GARS1: variants seen among roughly 807,000 people sequenced by gnomAD.
The protein encoded by GARS1 is glycyl-tRNA synthetase 1, also known as glycine--tRNA ligase.
Under a neutral mutation model 86.4 loss-of-function variants are expected in GARS1, and 46 were observed. The ratio of observed to expected loss-of-function variants is 0.53; its 90% CI spans 0.42 to 0.68. The LOEUF is 0.68. Ranked by LOEUF, GARS1 falls within the 30% of genes least tolerant of loss-of-function variation. The pLI is 0.00. For missense variants in GARS1, 797 were observed against 915.6 expected (o/e 0.87, Z 1.67); for synonymous variants, 342 against 329.8 (o/e 1.04, Z -0.40).
chr7:30,607,448 C>G (rs1225326014), intron 6 of GARS1, among the ~76,000 whole-genome samples: 1 of 147,752 alleles, frequency 6.8e-6, no homozygotes, highest in Non-Finnish European at 1.5e-5. Flanking sequence ...CTGACAAGGA[C>G]AGAAAACCAA....
At chr7:30,630,517 CT>C (rs758530758) in intron 14 of GARS1, among the ~76,000 whole-genome samples, 8,660 of 130,916 alleles carry the variant, frequency 0.066, 249 homozygotes, top group African/African-American at 0.11. Flanking sequence ...TTATTTTCGC[CT>C]TTTTTTTTTT....
At chr7:30,621,922 C>T (rs1300995331) in intron 11 of GARS1, among the ~76,000 whole-genome samples, 2 of 152,050 alleles carry the variant, frequency 1.3e-5, no homozygotes, top group African/African-American at 4.8e-5. Context: ...TGAAAATCAG[C>T]AAAATAGAAA....
intron 6 of GARS1, among the ~76,000 whole-genome samples, chr7:30,607,962 T>G (rs1791516806): frequency 6.6e-6 from 1 of 152,192 alleles, no homozygotes. Context: ...TCCATTGTGG[T>G]TTTCTTCACA....
chr7:30,626,398 G>A, intron 13 of GARS1, 79 bp downstream of exon 13: 1 of 909,894 alleles, frequency 1.1e-6, no homozygotes, highest in African/African-American at 1.6e-5. Flanking sequence ...GTCTTGCTCT[G>A]TCACCCAGGC....
chr7:30,603,878 T>C (rs1007695835), intron 6 of GARS1, among the ~76,000 whole-genome samples: 2 of 152,212 alleles, frequency 1.3e-5, no homozygotes, highest in African/African-American at 4.8e-5. Context: ...ATGGGTAGTG[T>C]TCAGCACTGG....
chr7:30,601,354 C>A (rs1490499169), intron 4 of GARS1, among the ~76,000 whole-genome samples, 154 bp downstream of exon 4: 1 of 152,178 alleles, frequency 6.6e-6, no homozygotes, highest in African/African-American at 2.4e-5. Flanking sequence ...GAAATGTATA[C>A]CTTCTGCTCA....
chr7:30,628,015 A>T (rs2128135797), intron 13 of GARS1, among the ~76,000 whole-genome samples: 1 of 152,352 alleles, frequency 6.6e-6, no homozygotes, highest in East Asian at 1.9e-4. Context: ...TTTACACAGT[A>T]TAAACAGAAT....
chr7:30,625,434 T>G (rs781436086), intron 12 of GARS1, among the ~76,000 whole-genome samples: 4 of 152,184 alleles, frequency 2.6e-5, no homozygotes, highest in Admixed American at 1.3e-4. Flanking sequence ...AGGTGGAAAC[T>G]AGCAAAATAC....
chr7:30,596,038 A>T (rs1212033976), intron 1 of GARS1: 1 of 373,100 alleles, frequency 2.7e-6, no homozygotes, highest in Non-Finnish European at 5.3e-6. Flanking sequence ...CAAGGAAAAG[A>T]TTATTTCAGA....
chr7:30,614,307 A>G (rs1008140154), intron 8 of GARS1: 1 of 152,002 alleles, frequency 6.6e-6, no homozygotes, highest in Non-Finnish European at 1.5e-5. Context: ...ATCATTAACT[A>G]TAGACACAGT....
chr7:30,615,782 T>A, intron 8 of GARS1, 114 bp from the exon 9 acceptor site: 5 of 1,192,368 alleles, frequency 4.2e-6, no homozygotes. Flanking sequence ...AAAAGACCAC[T>A]ATAGTATGGA....
chr7:30,618,990 G>T (rs1298082704), intron 10 of GARS1, among the ~76,000 whole-genome samples: 3 of 152,050 alleles, frequency 2.0e-5, no homozygotes, highest in African/African-American at 7.2e-5. Flanking sequence ...TTTTCCTTTT[G>T]TATGAGAAAA....
In GARS1 at chr7:30,632,305, CGGAA is replaced by C; in HGVS notation, c.1965_1968del (p.Arg656AlafsTer21). Reference sequence around the variant, plus strand: ...AAGTAGACGATTCCTCTGGGTCAATCGGAAGGCGCTATGCCAGGACTGATGAGAT... The same window carrying C: ...AAGTAGACGATTCCTCTGGGTCAATCGGCGCTATGCCAGGACTGATGAGAT... On this transcript the variant is annotated frameshift_variant, in exon 16 of 17. Transcript: ENST00000389266. LOFTEE classifies it high-confidence loss of function. The surrounding 1 kb of genome is among the most constrained non-coding windows in gnomAD (Gnocchi z 4.1). 2 of 1,614,132 alleles carry C rather than the reference CGGAA, an allele frequency of 1.2e-6. No homozygotes were observed. The highest frequency in any genetic ancestry group is 1.7e-6 in the Non-Finnish European group (2 of 1,180,012).
Position 30,601,208 on chromosome 7 carries a change from C to A in GARS1, c.569+8C>A, listed in dbSNP as rs1554337181. 6.2e-7 allele frequency: 1 copy of A among 1,613,116 alleles called. No homozygotes were observed. Among genetic ancestry groups the A allele is most frequent in the Non-Finnish European group, 8.5e-7 (1 of 1,179,272 alleles). On this transcript the variant is annotated splice_region_variant and intron_variant, in intron 4 of 16. Transcript: ENST00000389266. ...CCCTGAGCCAGTTTTAAAGTGAGAT[C>A]TTACTTTGGAGTGGGGGTATCCTAC...
Position 30,632,634 on chromosome 7 carries a change from A to C in GARS1, c.2094+197A>C, listed in dbSNP as rs560680633. On this transcript the variant is annotated intron_variant, in intron 16 of 16. Transcript: ENST00000389266. The surrounding 1 kb of genome is among the most constrained non-coding windows in gnomAD (Gnocchi z 4.1). ...TGAAAATATCCATTAGCACTTCTCT[A>C]ATATTTTATAAACATTTGTGTTGCT... Among the ~76,000 whole-genome samples the C allele has an allele frequency of 3.9e-5, 6 of 152,130 alleles. No homozygotes were observed. The highest frequency in any genetic ancestry group is 1.4e-4 in the African/African-American group (6 of 41,492).
In GARS1 at chr7:30,633,963, G is replaced by C. The variant is rs1783289466; in HGVS notation, c.*103G>C. ...AAAACAGCATTGTGATTACTCCCAG[G>C]GACCGTATTTTATCTTCAGTGGCTG... is the stretch of plus-strand genomic sequence containing the variant. On this transcript the variant is annotated 3_prime_UTR_variant, in exon 17 of 17. Coordinates refer to ENST00000389266, the MANE Select transcript of GARS1 (RefSeq NM_002047.4). 3 of 1,417,688 alleles carry C rather than the reference G, an allele frequency of 2.1e-6. No homozygotes were observed. In the East Asian group the frequency reaches 7.1e-5, roughly 34 times the overall value. 87.8% of individuals were successfully genotyped at this position (1,417,688 alleles called of 1,614,324 possible).
At chr7:30,629,339 T>C (rs1783192751) in intron 14 of GARS1, among the ~76,000 whole-genome samples, 1 of 152,168 alleles carries the variant, frequency 6.6e-6, no homozygotes, top group Non-Finnish European at 1.5e-5. Context: ...CTCCCACAAA[T>C]TTTCTTTTCG....
rs1791422443 is a variant in GARS1, at chr7:30,603,520, A to C, written c.683A>C (p.Asp228Ala). The C allele has an allele frequency of 1.2e-6, 2 of 1,613,872 alleles. No individual in the cohort carries two copies. The highest frequency in any genetic ancestry group is 1.7e-6 in the Non-Finnish European group (2 of 1,179,906). The part of the protein sequence containing the change: ...LKAHLQKLMS[D>A]KKCSVEKKSE... ...GCTCATTTACAGAAATTGATGTCTGATAAGAAGTGTTCTGTCGAAAAGAAA... is the reference window on the plus strand; with the variant it reads ...GCTCATTTACAGAAATTGATGTCTGCTAAGAAGTGTTCTGTCGAAAAGAAA... The change falls in exon 6 of 17, where the codon GAT (aspartate) becomes GCT (alanine). Residue 228 changes from aspartate (D) to alanine (A), a missense_variant. Asp to Ala is a moderately radical substitution (Grantham distance 126). This residue lies in a region of GARS1 where 598 missense variants were observed against 738.7 expected (regional missense o/e 0.81). Coordinates refer to ENST00000389266, the MANE Select transcript of GARS1 (RefSeq NM_002047.4).
intron 13 of GARS1, among the ~76,000 whole-genome samples, chr7:30,628,242 T>C (rs1002368250): frequency 5.3e-5 from 8 of 151,886 alleles, no homozygotes; most frequent in Admixed American, 5.3e-4. Flanking sequence ...TGGAGTGCAA[T>C]GGCACGATCT....
Sources: gnomAD v4.1 joint callset for allele counts (sites outside exome capture counted in the v4.1 genomes callset) on GRCh38, gnomAD v4.1.1 for gene constraint, gnomAD v4.1.1 regional missense constraint, Gnocchi (gnomAD v3.1) non-coding constraint, MANE v1.5 for transcripts, NCBI Gene and HGNC (gene_info 2026-07-23, HGNC 2026-07-21) for gene names.